CAMKMT: variants seen among roughly 807,000 people sequenced by gnomAD.
CAMKMT encodes calmodulin-lysine N-methyltransferase.
In CAMKMT, 53 loss-of-function variants were observed where a neutral mutation model predicts 48.0. The ratio of observed to expected loss-of-function variants is 1.10; its 90% CI spans 0.89 to 1.39. The LOEUF (loss-of-function observed/expected upper bound fraction) is 1.39, where lower values mean the gene tolerates loss of function less well. CAMKMT is among the 40% of genes most tolerant of loss of function. The probability of loss-of-function intolerance (pLI) is 0.00; values close to 1 mark genes in which losing one functional copy is unlikely to be tolerated. For synonymous variants in CAMKMT, 165 were observed against 152.3 expected, an observed-to-expected ratio of 1.08 and a Z score of -0.61; for missense variants, 428 against 402.7, an observed-to-expected ratio of 1.06 and a Z score of -0.54.
intron 3 of CAMKMT, among the ~76,000 whole-genome samples, chr2:44,506,109 G>A (rs1427047945): frequency 1.3e-5 from 2 of 151,960 alleles, no homozygotes; most frequent in Non-Finnish European, 2.9e-5. Flanking sequence ...ATTCCACCGT[G>A]GCCTCCCAAA....
At chr2:44,608,984 C>G (rs1382810364) in intron 3 of CAMKMT, among the ~76,000 whole-genome samples, 1 of 152,170 alleles carries the variant, frequency 6.6e-6, no homozygotes, top group Non-Finnish European at 1.5e-5. Context: ...AATCTCTATT[C>G]AAGTCCAATC....
intron 7 of CAMKMT, among the ~76,000 whole-genome samples, chr2:44,730,513 A>G (rs1379785705): frequency 2.0e-5 from 3 of 152,242 alleles, no homozygotes; most frequent in African/African-American, 7.2e-5. Flanking sequence ...TGAGGCTTCA[A>G]TAACATTTAT....
At chr2:44,631,449 TTAAA>T (rs1672823406) in intron 3 of CAMKMT, 3 of 590,272 alleles carry the variant, frequency 5.1e-6, no homozygotes, top group Admixed American at 2.8e-5. Flanking sequence ...ATCAAAGAGT[TTAAA>T]TAAGAAAAAA....
At chr2:44,592,575 T>C (rs1009657903) in intron 3 of CAMKMT, among the ~76,000 whole-genome samples, 1 of 152,196 alleles carries the variant, frequency 6.6e-6, no homozygotes, top group South Asian at 2.1e-4. Flanking sequence ...GCTGGCATAT[T>C]GTTATAATTG....
intron 3 of CAMKMT, among the ~76,000 whole-genome samples, chr2:44,635,081 TAAATA>T (rs1673048421): frequency 6.6e-6 from 1 of 152,140 alleles, no homozygotes; most frequent in South Asian, 2.1e-4. Flanking sequence ...TCAAAAACAA[TAAATA>T]AAAGAAGAAA....
intron 3 of CAMKMT, among the ~76,000 whole-genome samples, 182 bp downstream of exon 3, chr2:44,390,487 A>G (rs2104414260): frequency 7.0e-6 from 1 of 143,362 alleles, no homozygotes; most frequent in South Asian, 2.4e-4. Context: ...CACCGACAAA[A>G]TGGGATACTG....
At chr2:44,717,945 G>T (rs773810805) in intron 7 of CAMKMT, among the ~76,000 whole-genome samples, 22 of 151,862 alleles carry the variant, frequency 1.4e-4, no homozygotes, top group Admixed American at 5.2e-4. Flanking sequence ...CATTTCTCCT[G>T]CTACCAACCT....
chr2:44,460,858 G>A (rs1398188587), intron 3 of CAMKMT, among the ~76,000 whole-genome samples: 1 of 150,932 alleles, frequency 6.6e-6, no homozygotes, highest in East Asian at 1.9e-4. Flanking sequence ...GAGTAGCTGA[G>A]ATCACAGGCG....
At chr2:44,685,042 T>G (rs527570921) in intron 3 of CAMKMT, among the ~76,000 whole-genome samples, 17 of 152,224 alleles carry the variant, frequency 1.1e-4, no homozygotes, top group African/African-American at 3.9e-4. Flanking sequence ...GAATACAGCA[T>G]AACTTCATGT....
intron 3 of CAMKMT, among the ~76,000 whole-genome samples, chr2:44,411,159 C>T (rs191397652): frequency 1.1e-3 from 160 of 152,216 alleles, no homozygotes; most frequent in Non-Finnish European, 1.7e-3. Flanking sequence ...ATGTAATTTG[C>T]GGTCTTTATA....
At chr2:44,376,242 C>G (rs560227708) in intron 2 of CAMKMT, among the ~76,000 whole-genome samples, 1 of 151,980 alleles carries the variant, frequency 6.6e-6, no homozygotes, top group Admixed American at 6.6e-5. Flanking sequence ...GAAACCCTGT[C>G]TCTACTAAAA....
chr2:44,405,819 C>T (rs1682738251), intron 3 of CAMKMT, among the ~76,000 whole-genome samples: 1 of 152,086 alleles, frequency 6.6e-6, no homozygotes, highest in Admixed American at 6.6e-5. Context: ...TAGCTCATGC[C>T]TATGAAATGT....
chr2:44,398,158 G>C (rs1445514233), intron 3 of CAMKMT, among the ~76,000 whole-genome samples: 1 of 152,130 alleles, frequency 6.6e-6, no homozygotes, highest in East Asian at 1.9e-4. Flanking sequence ...CTTTACAAGG[G>C]GTGAGGAAAC....
chr2:44,632,168 A>G (rs1672870405), intron 3 of CAMKMT, among the ~76,000 whole-genome samples: 2 of 152,110 alleles, frequency 1.3e-5, no homozygotes, highest in South Asian at 2.1e-4. Context: ...TTTTATATAT[A>G]CCTGAGTTTC....
At chr2:44,575,676 C>A (rs995729452) in intron 3 of CAMKMT, among the ~76,000 whole-genome samples, 1 of 151,908 alleles carries the variant, frequency 6.6e-6, no homozygotes, top group Admixed American at 6.6e-5. Flanking sequence ...TTGATACCAG[C>A]CTTGGCAACA....
rs76334000 is a variant in CAMKMT, at chr2:44,472,923, T to G, written c.376+82618T>G. 9.0e-3 allele frequency among the ~76,000 whole-genome samples: 1,375 copies of G among 152,356 alleles called. 12 individuals are homozygous for G. Among genetic ancestry groups the G allele is most frequent in the African/African-American group, 0.026 (1,065 of 41,572 alleles). On this transcript the variant is annotated intron_variant, in intron 3 of 10. Transcript: ENST00000378494. ...TTTAAATCTATGTGCATTTCCTTCC[T>G]ACTTCTCCTGAGATTGATATGCAGC...
intron 6 of CAMKMT, among the ~76,000 whole-genome samples, chr2:44,708,058 T>C (rs1440989946): frequency 6.6e-6 from 1 of 152,136 alleles, no homozygotes; most frequent in Non-Finnish European, 1.5e-5. Context: ...TATGCTTTAC[T>C]AATATGTACA....
intron 3 of CAMKMT, among the ~76,000 whole-genome samples, chr2:44,502,773 G>C (rs1335459471): frequency 6.6e-6 from 1 of 152,098 alleles, no homozygotes; most frequent in African/African-American, 2.4e-5. Flanking sequence ...AAGGAAAGCT[G>C]ATTTTAGAAG....
intron 3 of CAMKMT, among the ~76,000 whole-genome samples, chr2:44,477,808 A>G (rs1431056235): frequency 6.6e-6 from 1 of 152,254 alleles, no homozygotes; most frequent in Admixed American, 6.5e-5. Context: ...GCCTAAATTC[A>G]GGACTATTAG....
Sources: allele counts gnomAD v4.1 joint callset (sites outside exome capture counted in the v4.1 genomes callset), GRCh38; gene constraint gnomAD v4.1.1; transcripts MANE v1.5; gene names NCBI Gene and HGNC (gene_info 2026-07-23, HGNC 2026-07-21).